Variants in POLR2F observed in about 807,000 individuals in gnomAD.
POLR2F encodes the protein RNA polymerase II, I and III subunit F.
A neutral mutation model predicts 22.7 loss-of-function variants in POLR2F; 12 were observed. That is an observed-to-expected ratio of 0.53 (90% CI 0.34 to 0.86). POLR2F has a LOEUF of 0.86. POLR2F is among the 40% of genes least tolerant of loss of function. POLR2F has a pLI of 0.02. For synonymous variants in POLR2F, 57 were observed against 66.0 expected, an observed-to-expected ratio of 0.86 and a Z score of 0.66; for missense variants, 126 against 171.5, an observed-to-expected ratio of 0.73 and a Z score of 1.48.
chr22:37,977,045 G>C (rs1267547493), intron 4 of POLR2F, among the ~76,000 whole-genome samples: 1 of 151,752 alleles, frequency 6.6e-6, no homozygotes, highest in Non-Finnish European at 1.5e-5. Context: ...GTGTGCACCT[G>C]TAGTCCCAGC....
intron 1 of POLR2F, among the ~76,000 whole-genome samples, chr22:38,024,398 G>A (rs552100959): frequency 8.5e-5 from 13 of 152,296 alleles, no homozygotes; most frequent in Admixed American, 2.6e-4. Flanking sequence ...CTATGAATAC[G>A]TGTGGTCACA....
intron 4 of POLR2F, among the ~76,000 whole-genome samples, chr22:37,976,371 C>T (rs181745639): frequency 6.6e-6 from 1 of 152,292 alleles, no homozygotes; most frequent in African/African-American, 2.4e-5. Flanking sequence ...TTGTTTCTTC[C>T]TGTACTTAAT....
chr22:38,022,835 A>T (rs1365621749), intron 1 of POLR2F, among the ~76,000 whole-genome samples: 1 of 152,052 alleles, frequency 6.6e-6, no homozygotes, highest in Non-Finnish European at 1.5e-5. Flanking sequence ...CAACATAGCG[A>T]AACCCTGTCT....
downstream of POLR2F, chr22:38,041,112 A>G (rs573193226): frequency 5.5e-5 from 89 of 1,612,914 alleles, no homozygotes; most frequent in South Asian, 8.9e-4. Flanking sequence ...AGCCCCGTGA[A>G]CAATGCATGG....
chr22:37,967,354 G>C, intron 4 of POLR2F, 184 bp downstream of exon 4: 1 of 1,463,362 alleles, frequency 6.8e-7, no homozygotes, highest in South Asian at 1.4e-5. Flanking sequence ...AAGTGGGAGG[G>C]CACTGATGAG....
chr22:37,965,463 A>G (rs1341151610), intron 3 of POLR2F, among the ~76,000 whole-genome samples: 2 of 152,252 alleles, frequency 1.3e-5, no homozygotes, highest in Admixed American at 1.3e-4. Flanking sequence ...AAATTACTTA[A>G]GGACACATTC....
At chr22:37,970,037 T>TA (rs577495047), downstream of POLR2F, among the ~76,000 whole-genome samples, 271 of 152,296 alleles carry the variant, frequency 1.8e-3, 2 homozygotes, top group Non-Finnish European at 3.0e-3. Context: ...CTCACACCTG[T>TA]AATCCCAGCA....
downstream of POLR2F, among the ~76,000 whole-genome samples, chr22:37,970,490 C>T (rs895613384): frequency 3.3e-5 from 5 of 150,210 alleles, no homozygotes; most frequent in African/African-American, 1.2e-4. Flanking sequence ...ACCTGTAGTC[C>T]CAGCTACTCG....
At chr22:38,005,727 G>A (rs959219953) in intron 1 of POLR2F, among the ~76,000 whole-genome samples, 3 of 152,242 alleles carry the variant, frequency 2.0e-5, no homozygotes, top group Admixed American at 1.3e-4. Context: ...CCCTCTGAGC[G>A]AGGTCTGCAG....
intron 1 of POLR2F, among the ~76,000 whole-genome samples, chr22:38,007,565 CT>C (rs2084832852): frequency 2.0e-5 from 3 of 152,188 alleles, no homozygotes; most frequent in Admixed American, 2.0e-4. Flanking sequence ...CCAAGACCCG[CT>C]TTCACGTCTG....
intron 1 of POLR2F, among the ~76,000 whole-genome samples, chr22:38,020,399 G>A (rs1050579467): frequency 2.0e-5 from 3 of 151,176 alleles, no homozygotes; most frequent in Non-Finnish European, 2.9e-5. Flanking sequence ...TGAGTAGCTG[G>A]GATTACAGGT....
At chr22:38,013,732 A>G (rs1181447194) in intron 1 of POLR2F, among the ~76,000 whole-genome samples, 1 of 152,248 alleles carries the variant, frequency 6.6e-6, no homozygotes, top group East Asian at 1.9e-4. Flanking sequence ...ATACAAATTT[A>G]TCCCCAAGTT....
At chr22:38,005,680 G>A (rs563031005) in intron 1 of POLR2F, among the ~76,000 whole-genome samples, 1 of 152,308 alleles carries the variant, frequency 6.6e-6, no homozygotes, top group East Asian at 1.9e-4. Context: ...ATGGAGGGGC[G>A]ATGTAATCAC....
chr22:37,954,204 C>T (rs1931258025), intron 1 of POLR2F, among the ~76,000 whole-genome samples: 1 of 152,068 alleles, frequency 6.6e-6, no homozygotes, highest in South Asian at 2.1e-4. Context: ...GTGAGCTTCC[C>T]CAGTTCTAGA....
At chr22:38,026,539 TTTCC>T in exon 3 of POLR2F, 5 of 339,728 alleles carry the variant, frequency 1.5e-5, no homozygotes, top group Admixed American at 3.9e-5. Flanking sequence ...ATGGCCCCTC[TTTCC>T]CCACCGCCTC....
At chr22:38,027,967 GAGCT>G (rs1233785243), downstream of POLR2F, among the ~76,000 whole-genome samples, 4 of 152,286 alleles carry the variant, frequency 2.6e-5, no homozygotes, top group East Asian at 7.7e-4. Context: ...GAGGAAAACT[GAGCT>G]ATAGAGAGGT....
rs574900029 is a variant in POLR2F at position 37,978,000 on chromosome 22, C to T, written c.293+10830C>T. On this transcript the variant is annotated intron_variant, in intron 4 of 4. Coordinates refer to the POLR2F transcript ENST00000405557. The stretch of plus-strand genomic sequence containing the variant: ...GCTCGGCCTCCCCACCGGGGCACTC[C>T]GCCTCGCCCTGGGCGGCCTTCCCGT... The T allele has an allele frequency of 1.5e-5, 24 of 1,611,776 alleles. No homozygotes were observed. The highest frequency in any genetic ancestry group is 1.3e-4 in the South Asian group (12 of 91,012).
intron 3 of POLR2F, among the ~76,000 whole-genome samples, chr22:37,966,607 C>T (rs1931860966): frequency 6.6e-6 from 1 of 151,958 alleles, no homozygotes; most frequent in Non-Finnish European, 1.5e-5. Flanking sequence ...ATGTTAATTT[C>T]ACCCATCTAT....
chr22:37,967,821 T>C lies in POLR2F; in HGVS notation c.*106T>C. ...TTCCAACCCCCTTCCCCTCTGCTTA[T>C]CTGCAATGTCACCACCTGTTGCTTC... On this transcript the variant is annotated 3_prime_UTR_variant, in exon 5 of 5. Transcript: ENST00000442738. The C allele has an allele frequency of 6.8e-7, 1 of 1,471,250 alleles. No individual in the cohort carries two copies. The highest frequency in any genetic ancestry group is 1.4e-5 in the South Asian group (1 of 71,494). 91.1% of individuals were successfully genotyped at this position (1,471,250 alleles called of 1,614,324 possible).
Sources: gnomAD v4.1 joint callset for allele counts (sites outside exome capture counted in the v4.1 genomes callset) on GRCh38, gnomAD v4.1.1 for gene constraint, MANE v1.5 for transcripts, NCBI Gene and HGNC (gene_info 2026-07-23, HGNC 2026-07-21) for gene names.